REEP5: variants seen among roughly 807,000 people sequenced by gnomAD.
The protein encoded by REEP5 is receptor expression-enhancing protein 5.
Under a neutral mutation model 22.4 loss-of-function variants are expected in REEP5, and 24 were observed. The observed-to-expected ratio is 1.07, with a 90% confidence interval of 0.78 to 1.51. The LOEUF (loss-of-function observed/expected upper bound fraction) is 1.51. Among genes scored for constraint, REEP5 ranks in the 40% most tolerant of loss-of-function variants. REEP5 has a pLI of 0.00. For missense variants in REEP5, 252 were observed against 233.0 expected, an observed-to-expected ratio of 1.08 and a Z score of -0.53; for synonymous variants, 103 against 88.6, an observed-to-expected ratio of 1.16 and a Z score of -0.92.
At chr5:112,880,083 T>C (rs1403638176) in intron 4 of REEP5, among the ~76,000 whole-genome samples, 1 of 152,102 alleles carries the variant, frequency 6.6e-6, no homozygotes, top group Non-Finnish European at 1.5e-5. Flanking sequence ...TTGCTCTAAG[T>C]CTTTGAGTTG....
chr5:112,917,825 G>A (rs781402658), intron 2 of REEP5, among the ~76,000 whole-genome samples: 5 of 152,212 alleles, frequency 3.3e-5, no homozygotes, highest in Non-Finnish European at 7.3e-5. Context: ...ACAGAATGCA[G>A]ATTAGTGGTT....
At chr5:112,902,601 C>T in intron 2 of REEP5, 83 bp from the exon 3 acceptor site, 3 of 1,302,476 alleles carry the variant, frequency 2.3e-6, no homozygotes, top group Non-Finnish European at 3.1e-6. Flanking sequence ...AACCTGTCCT[C>T]TGATACCACT....
chr5:112,880,529 C>G (rs571300624), intron 4 of REEP5, among the ~76,000 whole-genome samples: 1 of 152,344 alleles, frequency 6.6e-6, no homozygotes, highest in African/African-American at 2.4e-5. Context: ...ATTACTGAAC[C>G]AAGTTCACAG....
At chr5:112,915,486 AAG>A (rs1769212275) in intron 2 of REEP5, among the ~76,000 whole-genome samples, 1 of 152,178 alleles carries the variant, frequency 6.6e-6, no homozygotes, top group African/African-American at 2.4e-5. Context: ...TTCATCTTAA[AAG>A]AGTCCAGCAC....
At chr5:112,916,317 C>T (rs1287682872) in intron 2 of REEP5, among the ~76,000 whole-genome samples, 1 of 152,102 alleles carries the variant, frequency 6.6e-6, no homozygotes, top group Non-Finnish European at 1.5e-5. Flanking sequence ...AGGGGTCATC[C>T]CCAAACATCT....
intron 2 of REEP5, among the ~76,000 whole-genome samples, chr5:112,914,833 T>C (rs1178698292): frequency 6.6e-6 from 1 of 152,192 alleles, no homozygotes; most frequent in Non-Finnish European, 1.5e-5. Context: ...GAGTGACTGA[T>C]AAGCTCCACT....
At chr5:112,905,306 C>T (rs558806172) in intron 2 of REEP5, among the ~76,000 whole-genome samples, 6 of 151,944 alleles carry the variant, frequency 3.9e-5, no homozygotes, top group Non-Finnish European at 7.4e-5. Context: ...TTTGGGAGGC[C>T]GAGGTGGGCA....
intron 4 of REEP5, among the ~76,000 whole-genome samples, chr5:112,886,155 G>A (rs1768236110): frequency 1.3e-5 from 2 of 152,212 alleles, no homozygotes. Context: ...CTGCCTGGAG[G>A]ATAGCAGAGA....
At chr5:112,895,333 T>G (rs1212037694) in intron 3 of REEP5, 1 of 151,988 alleles carries the variant, frequency 6.6e-6, no homozygotes, top group Non-Finnish European at 1.5e-5. Flanking sequence ...TGCAGAGTTT[T>G]AGGAAAGTCA....
intron 4 of REEP5, among the ~76,000 whole-genome samples, chr5:112,884,736 T>C (rs747456411): frequency 1.4e-4 from 21 of 151,728 alleles, no homozygotes; most frequent in Middle Eastern, 6.8e-3. Context: ...ATAGATTTCC[T>C]AAACGTCTCT....
At chr5:112,885,860 G>A (rs1561647693) in intron 4 of REEP5, 1 of 196,858 alleles carries the variant, frequency 5.1e-6, no homozygotes, top group Non-Finnish European at 1.1e-5. Flanking sequence ...TGATCACCCA[G>A]AATTCGTGGT....
chr5:112,898,577 C>T (rs1768765130), intron 3 of REEP5, among the ~76,000 whole-genome samples: 2 of 152,212 alleles, frequency 1.3e-5, no homozygotes, highest in South Asian at 4.1e-4. Context: ...GTCAAGCTTG[C>T]TCACATTTGG....
intron 4 of REEP5, among the ~76,000 whole-genome samples, chr5:112,880,312 T>A (rs1412952594): frequency 1.3e-5 from 2 of 152,180 alleles, no homozygotes; most frequent in African/African-American, 4.8e-5. Flanking sequence ...ACTTTCTAAT[T>A]ACCAAGTGGC....
At chr5:112,919,307 G>A (rs541201686) in intron 2 of REEP5, among the ~76,000 whole-genome samples, 1 of 152,128 alleles carries the variant, frequency 6.6e-6, no homozygotes, top group Non-Finnish European at 1.5e-5. Context: ...CAGTACTTTG[G>A]GAGGCTGAGA....
intron 3 of REEP5, chr5:112,895,260 C>CAAAAAAAAAAAAAAA (rs1195775772): frequency 1.6e-5 from 1 of 64,290 alleles, no homozygotes; most frequent in Non-Finnish European, 3.4e-5. Context: ...AAAAAAAAAT[C>CAAAAAAAAAAAAAAA]AGGAGAGGTG....
Position 112,921,177 on chromosome 5 carries a change from G to A in REEP5, c.198C>T (p.Tyr66=), listed in dbSNP as rs202230493. 6.2e-6 allele frequency: 10 copies of A among 1,614,124 alleles called. No individual in the cohort carries two copies. The highest frequency in any genetic ancestry group is 1.7e-5 in the Admixed American group (1 of 60,026). Residue 66 remains tyrosine, a synonymous_variant, in exon 2 of 5, where the codon TAC becomes TAT. Transcript: ENST00000379638. ...SLLCNLIGFG[Y]PAYISIKAIE... ...GTGTCACTTACGAGATGTAGGCTGG[G>A]TAGCCAAATCCTATCAGGTTGCAGA...
At chr5:112,906,718 G>A (rs151015609) in intron 2 of REEP5, among the ~76,000 whole-genome samples, 1,678 of 152,210 alleles carry the variant, frequency 0.011, 25 homozygotes, top group Non-Finnish European at 0.013. Context: ...AAATATACAC[G>A]CCTGGGTCCT....
At chr5:112,892,759 CACCACGA>C in intron 3 of REEP5, 1 of 1,613,938 alleles carries the variant, frequency 6.2e-7, no homozygotes, top group Non-Finnish European at 8.5e-7. Flanking sequence ...GAAGATGGGC[CACCACGA>C]CCACTACTAC....
intron 1 of REEP5, chr5:112,921,759 C>T: frequency 3.9e-6 from 1 of 254,684 alleles, no homozygotes. Context: ...CCGCCGTCCG[C>T]GCCCACCGCG....
Sources: allele counts gnomAD v4.1 joint callset (sites outside exome capture counted in the v4.1 genomes callset), GRCh38; gene constraint gnomAD v4.1.1; transcripts MANE v1.5; gene names NCBI Gene and HGNC (gene_info 2026-07-23, HGNC 2026-07-21).